Variants in FBN1 observed in about 807,000 individuals in gnomAD.
FBN1 encodes the protein fibrillin 1.
A neutral mutation model predicts 365.1 loss-of-function variants in FBN1; 29 were observed. The ratio of observed to expected loss-of-function variants is 0.08; its 90% CI spans 0.06 to 0.11. The LOEUF is 0.11. Among genes scored for constraint, FBN1 ranks in the 10% least tolerant of loss-of-function variants. FBN1 has a pLI of 1.00. For missense variants in FBN1, 2,476 were observed against 3,703.2 expected, an observed-to-expected ratio of 0.67 and a Z score of 8.60; for synonymous variants, 1,210 against 1,270.5, an observed-to-expected ratio of 0.95 and a Z score of 1.01.
intron 2 of FBN1, among the ~76,000 whole-genome samples, chr15:48,623,970 C>CACACACACAT (rs1373328980): frequency 1.6e-5 from 2 of 126,442 alleles, no homozygotes; most frequent in African/African-American, 3.2e-5. Flanking sequence ...AAGACACAAA[C>CACACACACAT]ACACACACAC....
At chr15:48,429,797 G>C (rs1206908569) in intron 56 of FBN1, among the ~76,000 whole-genome samples, 2 of 152,184 alleles carry the variant, frequency 1.3e-5, no homozygotes, top group African/African-American at 4.8e-5. Flanking sequence ...CAGAGTAAAA[G>C]GGCAATGGGA....
intron 56 of FBN1, among the ~76,000 whole-genome samples, chr15:48,430,408 G>T (rs1225546471): frequency 1.3e-5 from 2 of 152,190 alleles, no homozygotes; most frequent in Non-Finnish European, 2.9e-5. Flanking sequence ...GAGGAGAATA[G>T]AGAAAAGGCA....
At chr15:48,475,515 A>G (rs562384855) in intron 32 of FBN1, among the ~76,000 whole-genome samples, 3 of 152,232 alleles carry the variant, frequency 2.0e-5, no homozygotes, top group African/African-American at 7.2e-5. Flanking sequence ...AGCCCATTCT[A>G]TAATGGGTTA....
intron 32 of FBN1, among the ~76,000 whole-genome samples, chr15:48,477,342 C>A (rs1268916442): frequency 6.6e-6 from 1 of 152,148 alleles, no homozygotes; most frequent in Admixed American, 6.5e-5. Flanking sequence ...GGCTGTGTAT[C>A]ATGGGCTTTT....
chr15:48,596,581 T>C (rs2044517715), intron 5 of FBN1, among the ~76,000 whole-genome samples: 1 of 152,236 alleles, frequency 6.6e-6, no homozygotes, highest in African/African-American at 2.4e-5. Flanking sequence ...TGAGTTTGTA[T>C]CTATGTTAAT....
At chr15:48,538,143 A>G (rs1484400778) in intron 6 of FBN1, among the ~76,000 whole-genome samples, 3 of 152,204 alleles carry the variant, frequency 2.0e-5, no homozygotes, top group Admixed American at 2.0e-4. Context: ...TACTTAAGAA[A>G]ATATATCAGT....
At chr15:48,481,540 A>C in intron 32 of FBN1, 115 bp downstream of exon 32, 1 of 1,137,088 alleles carries the variant, frequency 8.8e-7, no homozygotes, top group East Asian at 2.6e-5. Flanking sequence ...ATGTTATGCA[A>C]AATGTTTTAT....
At chr15:48,556,916 T>C (rs1566926380) in intron 6 of FBN1, among the ~76,000 whole-genome samples, 1 of 152,232 alleles carries the variant, frequency 6.6e-6, no homozygotes, top group Non-Finnish European at 1.5e-5. Context: ...AATAGAGTGA[T>C]TTAATTCAAG....
intron 57 of FBN1, 70 bp downstream of exon 57, chr15:48,428,276 A>C: frequency 6.4e-7 from 1 of 1,570,228 alleles, no homozygotes; most frequent in Non-Finnish European, 8.8e-7. Flanking sequence ...ATTTTAAATA[A>C]GAAGTCTGGG....
rs545585097 is a variant in FBN1, at chr15:48,537,904, G to C, written c.539-96C>G. The C allele has an allele frequency of 1.7e-4, 208 of 1,248,028 alleles. 1 individual carries two copies. The South Asian group carries it at 2.4e-3, about 15-fold the overall frequency. 77.3% of individuals were successfully genotyped at this position (1,248,028 alleles called of 1,614,324 possible). ...GCTCCATCTTGCTTGACTCCAAATT[G>C]AGAAATGAATTTCAGGGACAGAATC... On this transcript the variant is annotated intron_variant, in intron 6 of 65. Transcript: ENST00000316623.
At position 48,409,274 on chromosome 15, in the gene FBN1, G is replaced by C. The variant is rs572619690; in HGVS notation, c.*1716C>G. On this transcript the variant is annotated 3_prime_UTR_variant, in exon 66 of 66. Coordinates refer to ENST00000316623, the MANE Select transcript of FBN1 (RefSeq NM_000138.5). ...AGTAGCTCTATAATTGGGACCGTGT[G>C]TATTAAACTGGGGCTGACATCAGCT... 2 of 152,296 alleles carry C rather than the reference G, an allele frequency of 1.3e-5. No individual in the cohort carries two copies. Among genetic ancestry groups the C allele is most frequent in the East Asian group, 3.9e-4 (2 of 5,188 alleles). 9.4% of individuals were successfully genotyped at this position (152,296 alleles called of 1,614,324 possible). A position where few individuals can be genotyped will look rare whatever the true frequency, so the allele number is the denominator to read the frequency against.
intron 50 of FBN1, among the ~76,000 whole-genome samples, chr15:48,440,501 C>G (rs1001803069): frequency 5.9e-5 from 9 of 152,222 alleles, no homozygotes; most frequent in African/African-American, 2.2e-4. Context: ...TCTGACTGGT[C>G]TGTACCATGC....
intron 60 of FBN1, among the ~76,000 whole-genome samples, chr15:48,425,070 A>C (rs561491976): frequency 6.6e-6 from 1 of 152,230 alleles, no homozygotes; most frequent in African/African-American, 2.4e-5. Flanking sequence ...GTCACCAATT[A>C]AGAATCTGCC....
chr15:48,474,301 G>T lies in FBN1; in HGVS notation c.4164C>A (p.Arg1388=), dbSNP rs941583661. The change falls in exon 34 of 66, where the codon CGC becomes CGA. Residue 1388 remains arginine, a synonymous_variant. Coordinates refer to ENST00000316623, the MANE Select transcript of FBN1 (RefSeq NM_000138.5). ...ADCKNTMGSY[R]CLCKEGYTGD... is the part of the protein sequence containing the mutation. ...CTGTGTATCCTTCCTTGCACAGACA[G>T]CGGTAAGATCCCATGGTATTCTTGC... The T allele has an allele frequency of 5.0e-6, 8 of 1,614,138 alleles. No individual in the cohort carries two copies. Among genetic ancestry groups the T allele is most frequent in the Non-Finnish European group, 5.9e-6 (7 of 1,180,010 alleles).
intron 6 of FBN1, among the ~76,000 whole-genome samples, chr15:48,564,838 T>C (rs1390937895): frequency 6.6e-6 from 1 of 152,134 alleles, no homozygotes; most frequent in Non-Finnish European, 1.5e-5. Flanking sequence ...CAGAGATGAA[T>C]GTCACCTGGG....
intron 6 of FBN1, among the ~76,000 whole-genome samples, chr15:48,551,206 A>AT: frequency 6.6e-6 from 1 of 152,248 alleles, no homozygotes; most frequent in East Asian, 1.9e-4. Flanking sequence ...TGAGTAGTAA[A>AT]TAAGTATACA....
chr15:48,503,927 C>T lies in FBN1; in HGVS notation c.1973G>A (p.Arg658Gln), dbSNP rs794728181. Residue 658 changes from arginine to glutamine, a missense_variant, in exon 17 of 66, where the codon CGG becomes CAG. Transcript: ENST00000316623. ...CTTGTATCCACCATAGCATGTGCTC[C>T]GCATGTGTGTGTCTAAACAGGAAGA... is the stretch of plus-strand genomic sequence containing the variant. ...DGRVCVDTHM[R>Q]STCYGGYKRG... The T allele has an allele frequency of 3.7e-6, 6 of 1,614,152 alleles. No homozygotes were observed. Among genetic ancestry groups the T allele is most frequent in the South Asian group, 1.1e-5 (1 of 91,076 alleles).
rs1475934502 is a variant in FBN1 at position 48,495,171 on chromosome 15, A to C, written c.2629T>G (p.Ser877Ala). 2 of 1,614,020 alleles carry C rather than the reference A, an allele frequency of 1.2e-6. No homozygotes were observed. The highest frequency in any genetic ancestry group is 2.7e-5 in the African/African-American group (2 of 74,914). ...NGATLKSQCC[S>A]SLGAAWGSPC... ...CTTCCCCACGCAGCACCGAGGGAGG[A>C]GCAGCACTGGGACTTTAAGGTGGCT... The change falls in exon 22 of 66, where the codon TCC becomes GCC. Residue 877 changes from serine to alanine, a missense_variant. Physicochemically the swap from Ser to Ala is moderately conservative, Grantham distance 99. Transcript: ENST00000316623.
At chr15:48,527,415 CAGG>C (rs2043923811) in intron 8 of FBN1, among the ~76,000 whole-genome samples, 1 of 152,178 alleles carries the variant, frequency 6.6e-6, no homozygotes, top group African/African-American at 2.4e-5. Context: ...ACTCAGGGCA[CAGG>C]GAATCTGCAT....
Sources: allele counts gnomAD v4.1 joint callset (sites outside exome capture counted in the v4.1 genomes callset), GRCh38; gene constraint gnomAD v4.1.1; transcripts MANE v1.5; gene names NCBI Gene and HGNC (gene_info 2026-07-23, HGNC 2026-07-21).